AFF3: variants seen among roughly 807,000 people sequenced by gnomAD.
AFF3 encodes ALF transcription elongation factor 3.
Under a neutral mutation model 129.7 loss-of-function variants are expected in AFF3, and 32 were observed. The ratio of observed to expected loss-of-function variants is 0.25; its 90% CI spans 0.19 to 0.33. The LOEUF (loss-of-function observed/expected upper bound fraction) is 0.33, where lower values mean the gene tolerates loss of function less well. Ranked by LOEUF, AFF3 falls within the 10% of genes least tolerant of loss-of-function variation. The pLI is 1.00. For synonymous variants in AFF3, 644 were observed against 635.4 expected, an observed-to-expected ratio of 1.01 and a Z score of -0.20; for missense variants, 1,373 against 1,592.0, an observed-to-expected ratio of 0.86 and a Z score of 2.34.
chr2:100,114,629 A>T (rs1463278269), intron 2 of AFF3, among the ~76,000 whole-genome samples: 1 of 151,506 alleles, frequency 6.6e-6, no homozygotes, highest in Non-Finnish European at 1.5e-5. Flanking sequence ...TGATCCACCC[A>T]CCTTGGCCTC....
rs372071492 is a variant in AFF3, at chr2:100,022,656, C to G, written c.54-13724G>C. ...TGAACTCCTGACCACAAGTGATCCG[C>G]CTGCCTTGGCCTCCCAAAGTGCTAA... On this transcript the variant is annotated intron_variant, in intron 4 of 24. Transcript: ENST00000672756. Among the ~76,000 whole-genome samples, 289 of 152,296 alleles carry G rather than the reference C, an allele frequency of 1.9e-3. 1 individual carries two copies. The highest frequency in any genetic ancestry group is 6.6e-3 in the African/African-American group (276 of 41,562).
intron 7 of AFF3, among the ~76,000 whole-genome samples, chr2:99,905,567 C>G (rs1402045763): frequency 1.3e-5 from 2 of 152,180 alleles, no homozygotes; most frequent in African/African-American, 4.8e-5. Flanking sequence ...TCCCTTTGCT[C>G]TCCTGTGTTT....
At chr2:99,818,839 CTAA>C (rs1324043355) in intron 8 of AFF3, among the ~76,000 whole-genome samples, 2 of 152,108 alleles carry the variant, frequency 1.3e-5, no homozygotes, top group Admixed American at 1.3e-4. Context: ...CCTGGGTAAT[CTAA>C]TTCATCATTG....
intron 7 of AFF3, among the ~76,000 whole-genome samples, chr2:100,005,011 G>C (rs1681834062): frequency 6.6e-6 from 1 of 152,056 alleles, no homozygotes; most frequent in Non-Finnish European, 1.5e-5. Context: ...ACTACATATA[G>C]GGGAAATGGA....
At chr2:99,657,299 C>G (rs1685833345) in intron 12 of AFF3, among the ~76,000 whole-genome samples, 1 of 152,204 alleles carries the variant, frequency 6.6e-6, no homozygotes, top group African/African-American at 2.4e-5. Context: ...CTAGCTCACC[C>G]TTTGTGTTAA....
chr2:99,896,656 G>A (rs1294914730), intron 7 of AFF3, among the ~76,000 whole-genome samples: 1 of 42,336 alleles, frequency 2.4e-5, no homozygotes, highest in Non-Finnish European at 5.0e-5. Flanking sequence ...TTTTTTTGGA[G>A]ACGGAGTCTC....
At chr2:99,580,518 G>T (rs1677426576) in intron 17 of AFF3, among the ~76,000 whole-genome samples, 1 of 152,174 alleles carries the variant, frequency 6.6e-6, no homozygotes, top group Non-Finnish European at 1.5e-5. Flanking sequence ...TCTACTGGGT[G>T]GAGGCCAGGG....
At chr2:99,756,467 A>G (rs1231345989) in intron 8 of AFF3, among the ~76,000 whole-genome samples, 1 of 152,230 alleles carries the variant, frequency 6.6e-6, no homozygotes, top group Non-Finnish European at 1.5e-5. Flanking sequence ...GTGGGTGTTC[A>G]TGCCTGACCC....
intron 4 of AFF3, among the ~76,000 whole-genome samples, chr2:100,081,454 ACCACCT>A (rs1689043812): frequency 6.6e-6 from 1 of 151,814 alleles, no homozygotes; most frequent in African/African-American, 2.4e-5. Flanking sequence ...CATGTCAGTG[ACCACCT>A]GCTCACCCAG....
At chr2:99,583,138 T>C in intron 16 of AFF3, 139 bp from the exon 17 acceptor site, 1 of 677,194 alleles carries the variant, frequency 1.5e-6, no homozygotes, top group South Asian at 1.9e-5. Context: ...AGGAAACAAG[T>C]TAATGGCATT....
chr2:100,027,062 C>T (rs2104923164), intron 4 of AFF3, among the ~76,000 whole-genome samples: 1 of 152,088 alleles, frequency 6.6e-6, no homozygotes, highest in Non-Finnish European at 1.5e-5. Context: ...ACCACCTGTA[C>T]CCCAATAACC....
At chr2:99,844,600 A>C (rs527835847) in intron 7 of AFF3, among the ~76,000 whole-genome samples, 1 of 151,362 alleles carries the variant, frequency 6.6e-6, no homozygotes, top group South Asian at 2.1e-4. Context: ...ACCACACCCT[A>C]ATTTTTGTAT....
chr2:100,048,223 G>A (rs17352801), intron 4 of AFF3, among the ~76,000 whole-genome samples: 15,287 of 152,208 alleles, frequency 0.1, 1,079 homozygotes, highest in Non-Finnish European at 0.14. Context: ...ATTTACCATT[G>A]TACTGCACTT....
intron 2 of AFF3, among the ~76,000 whole-genome samples, chr2:100,128,784 G>T (rs1349855110): frequency 2.6e-5 from 4 of 152,300 alleles, no homozygotes; most frequent in Middle Eastern, 3.4e-3. Context: ...CTGTCAAAAG[G>T]TTTCGTTGCC....
intron 7 of AFF3, among the ~76,000 whole-genome samples, chr2:99,981,788 T>C (rs1461999759): frequency 3.3e-5 from 5 of 152,228 alleles, no homozygotes; most frequent in African/African-American, 1.2e-4. Context: ...GTCATCTGCC[T>C]TTGAATTTGA....
At chr2:100,088,930 G>A (rs891113417) in intron 4 of AFF3, among the ~76,000 whole-genome samples, 2 of 152,204 alleles carry the variant, frequency 1.3e-5, no homozygotes, top group Non-Finnish European at 2.9e-5. Flanking sequence ...CACAGAAGTG[G>A]TATCTATCCT....
chr2:100,002,817 A>G (rs1266071482), intron 7 of AFF3, among the ~76,000 whole-genome samples: 1 of 152,192 alleles, frequency 6.6e-6, no homozygotes, highest in African/African-American at 2.4e-5. Flanking sequence ...CTGAAGCTGT[A>G]ACTTGTCAAA....
chr2:99,856,062 G>A (rs1357266031), intron 7 of AFF3, among the ~76,000 whole-genome samples: 1 of 152,032 alleles, frequency 6.6e-6, no homozygotes, highest in Admixed American at 6.5e-5. Context: ...AAAAATAAGG[G>A]AAGTCTGAAA....
chr2:99,786,092 G>A (rs1558848942), intron 8 of AFF3, among the ~76,000 whole-genome samples: 2 of 152,202 alleles, frequency 1.3e-5, no homozygotes. Flanking sequence ...GATGCCCCAT[G>A]GCCATTCGTT....
Sources: allele counts gnomAD v4.1 joint callset (sites outside exome capture counted in the v4.1 genomes callset), GRCh38; gene constraint gnomAD v4.1.1; transcripts MANE v1.5; gene names NCBI Gene and HGNC (gene_info 2026-07-23, HGNC 2026-07-21).